The following TIAM2 variants were observed in gnomAD, a reference collection of about 807,000 sequenced individuals.
The protein encoded by TIAM2 is rho guanine nucleotide exchange factor TIAM2.
A neutral mutation model predicts 152.9 loss-of-function variants in TIAM2; 80 were observed. That is an observed-to-expected ratio of 0.52 (90% CI 0.44 to 0.63). The LOEUF is 0.63. Ranked by LOEUF, TIAM2 falls within the 30% of genes least tolerant of loss-of-function variation. The pLI is 0.00. For synonymous variants in TIAM2, 804 were observed against 838.0 expected, an observed-to-expected ratio of 0.96 and a Z score of 0.70; for missense variants, 1,965 against 2,120.1, an observed-to-expected ratio of 0.93 and a Z score of 1.44.
At chr6:155,206,363 TC>T (rs1781594490) in intron 14 of TIAM2, among the ~76,000 whole-genome samples, 1 of 152,166 alleles carries the variant, frequency 6.6e-6, no homozygotes, top group African/African-American at 2.4e-5. Flanking sequence ...TTCTCCTGCC[TC>T]AGCCTGGGGT....
chr6:155,137,211 A>G lies in TIAM2; in HGVS notation c.1229A>G (p.Asp410Gly). 6.2e-7 allele frequency: 1 copy of G among 1,613,922 alleles called. No individual in the cohort carries two copies. Among genetic ancestry groups the G allele is most frequent in the South Asian group, 1.1e-5 (1 of 91,086 alleles). ...PRSKEGSDYF[D>G]SRSDGLNTDV... ...TCCAAGGAGGGCAGTGACTACTTTG[A>G]CAGTCGCTCTGATGGACTGAATACA... Residue 410 changes from aspartate to glycine, a missense_variant, in exon 5 of 27, where the codon GAC becomes GGC. Around this residue, in one of 3 missense-constraint regions of TIAM2, gnomAD observed 1,025 missense variants for 1,119.4 expected, o/e 0.92. Transcript: ENST00000682666.
chr6:155,209,263 A>C (rs1781664591), intron 14 of TIAM2, among the ~76,000 whole-genome samples: 1 of 151,988 alleles, frequency 6.6e-6, no homozygotes. Flanking sequence ...CCCAGCTCCT[A>C]GCACCGTGCC....
chr6:155,050,838 G>T (rs1185511988), intron 1 of TIAM2, among the ~76,000 whole-genome samples: 1 of 152,144 alleles, frequency 6.6e-6, no homozygotes, highest in Non-Finnish European at 1.5e-5. Flanking sequence ...TCCTTACCCA[G>T]ATGTCCCATT....
intron 1 of TIAM2, among the ~76,000 whole-genome samples, chr6:155,081,986 C>T (rs1470359093): frequency 6.6e-6 from 1 of 152,142 alleles, no homozygotes; most frequent in Non-Finnish European, 1.5e-5. Flanking sequence ...TCATCCCTAT[C>T]CTGCCTCAGT....
chr6:155,147,327 G>A (rs1330158935), intron 6 of TIAM2, among the ~76,000 whole-genome samples: 2 of 151,610 alleles, frequency 1.3e-5, no homozygotes, highest in Non-Finnish European at 2.9e-5. Flanking sequence ...TTATTTTTGA[G>A]ATTGAGTCTT....
At chr6:155,154,315 GT>G (rs1481838755) in intron 7 of TIAM2, among the ~76,000 whole-genome samples, 1 of 152,190 alleles carries the variant, frequency 6.6e-6, no homozygotes, top group Non-Finnish European at 1.5e-5. Context: ...TCTGGAACAG[GT>G]TTTCTTCGAA....
At chr6:155,104,152 G>A (rs992996668) in intron 2 of TIAM2, among the ~76,000 whole-genome samples, 2 of 148,278 alleles carry the variant, frequency 1.3e-5, no homozygotes, top group African/African-American at 2.5e-5. Context: ...CTTCAGTCCC[G>A]GGGCTTGTGG....
chr6:155,090,000 T>G (rs906412562), intron 1 of TIAM2, among the ~76,000 whole-genome samples: 2 of 152,154 alleles, frequency 1.3e-5, no homozygotes, highest in African/African-American at 2.4e-5. Flanking sequence ...TTATCTATAT[T>G]TATTTCTCTC....
At chr6:155,090,673 A>G (rs1359198145) in intron 2 of TIAM2, among the ~76,000 whole-genome samples, 1 of 152,142 alleles carries the variant, frequency 6.6e-6, no homozygotes, top group African/African-American at 2.4e-5. Context: ...GGTGGAGAGG[A>G]TGCAGCCTGG....
At chr6:155,056,327 A>G (rs1314742510) in intron 1 of TIAM2, among the ~76,000 whole-genome samples, 1 of 151,476 alleles carries the variant, frequency 6.6e-6, no homozygotes, top group East Asian at 1.9e-4. Context: ...GCCTACCACC[A>G]TGCCCGGCTA....
Position 155,244,018 on chromosome 6 carries a change from G to A in TIAM2, c.3356G>A (p.Ser1119Asn), listed in dbSNP as rs747082524. ...TCTTCTATTTTCTTTCAGGATTTGA[G>A]CTGCCTCTTTGAATTATACTTGGAG... ...DTEKSYVKDL[S>N]CLFELYLEPL... Residue 1119 changes from serine (S) to asparagine (N), a missense_variant, in exon 17 of 27, where the codon AGC (serine) becomes AAC (asparagine). Around this residue, in one of 3 missense-constraint regions of TIAM2, gnomAD observed 935 missense variants for 980.0 expected, o/e 0.95. Coordinates refer to ENST00000682666, the MANE Select transcript of TIAM2 (RefSeq NM_012454.4). 1.2e-6 allele frequency: 2 copies of A among 1,614,042 alleles called. No homozygotes were observed. Among genetic ancestry groups the A allele is most frequent in the Admixed American group, 1.7e-5 (1 of 60,008 alleles).
intron 2 of TIAM2, among the ~76,000 whole-genome samples, chr6:155,122,372 T>G (rs946672340): frequency 2.7e-5 from 4 of 149,646 alleles, no homozygotes; most frequent in Admixed American, 2.0e-4. Flanking sequence ...GGTAGGATTT[T>G]GGGGATTGGG....
intron 1 of TIAM2, among the ~76,000 whole-genome samples, chr6:155,031,564 AAC>A (rs1776820406): frequency 1.3e-5 from 2 of 152,102 alleles, no homozygotes; most frequent in South Asian, 4.2e-4. Flanking sequence ...CTCTACAAAA[AAC>A]ACAAAAAATT....
At chr6:155,121,978 A>C (rs984307225) in intron 2 of TIAM2, 5 of 152,492 alleles carry the variant, frequency 3.3e-5, no homozygotes, top group Admixed American at 2.0e-4. Context: ...GACAAAGCAG[A>C]GGCAGACGAT....
chr6:155,094,679 A>G (rs1038404549), intron 2 of TIAM2, among the ~76,000 whole-genome samples: 1 of 150,168 alleles, frequency 6.7e-6, no homozygotes, highest in African/African-American at 2.5e-5. Context: ...CCTCCTGAGC[A>G]GCTGGGATTA....
chr6:155,247,103 G>C (rs1783378743), intron 19 of TIAM2, among the ~76,000 whole-genome samples: 1 of 152,244 alleles, frequency 6.6e-6, no homozygotes, highest in Non-Finnish European at 1.5e-5. Context: ...TGCGAAAGGT[G>C]AATCTGCTTG....
intron 7 of TIAM2, among the ~76,000 whole-genome samples, chr6:155,160,295 G>A (rs754323660): frequency 2.0e-4 from 31 of 152,208 alleles, no homozygotes; most frequent in Non-Finnish European, 3.2e-4. Flanking sequence ...TTTGAAGGCT[G>A]TCAGGCAGGA....
intron 1 of TIAM2, among the ~76,000 whole-genome samples, chr6:155,025,615 G>C (rs1038620425): frequency 6.6e-6 from 1 of 151,860 alleles, no homozygotes; most frequent in African/African-American, 2.4e-5. Flanking sequence ...CACTGCACCC[G>C]GGCAAAGAGG....
intron 25 of TIAM2, 118 bp from the exon 26 acceptor site, chr6:155,254,301 G>C: frequency 7.3e-7 from 1 of 1,370,496 alleles, no homozygotes; most frequent in East Asian, 2.4e-5. Flanking sequence ...CTGCTGCTGG[G>C]TGGCTGGCTG....
Sources: allele counts gnomAD v4.1 joint callset (sites outside exome capture counted in the v4.1 genomes callset), GRCh38; gene constraint gnomAD v4.1.1; regional missense constraint gnomAD v4.1.1; transcripts MANE v1.5; gene names NCBI Gene and HGNC (gene_info 2026-07-23, HGNC 2026-07-21).